GALNT7: variants seen among roughly 807,000 people sequenced by gnomAD.
The protein encoded by GALNT7 is polypeptide N-acetylgalactosaminyltransferase 7.
A neutral mutation model predicts 82.1 loss-of-function variants in GALNT7; 60 were observed. The ratio of observed to expected loss-of-function variants is 0.73; its 90% CI spans 0.59 to 0.91. GALNT7 has a LOEUF of 0.91. GALNT7 is among the 40% of genes least tolerant of loss of function. The pLI is 0.00. For synonymous variants in GALNT7, 243 were observed against 275.1 expected (o/e 0.88, Z 1.15); for missense variants, 660 against 804.2 (o/e 0.82, Z 2.17).
At chr4:173,189,754 A>G (rs772381213) in intron 1 of GALNT7, among the ~76,000 whole-genome samples, 1 of 152,208 alleles carries the variant, frequency 6.6e-6, no homozygotes, top group Non-Finnish European at 1.5e-5. Context: ...TCTATCTTCA[A>G]CATTTTTACT....
chr4:173,174,497 G>A (rs1394283402), intron 1 of GALNT7, among the ~76,000 whole-genome samples: 6 of 152,186 alleles, frequency 3.9e-5, no homozygotes, highest in African/African-American at 1.2e-4. Context: ...TGAACATTTC[G>A]GAAATGTTTG....
chr4:173,183,834 C>T (rs890135922), intron 1 of GALNT7, among the ~76,000 whole-genome samples: 3 of 151,848 alleles, frequency 2.0e-5, no homozygotes, highest in African/African-American at 7.3e-5. Context: ...TGTCCCCCAC[C>T]TCCCAGACGG....
chr4:173,245,271 A>T (rs1230886700), intron 1 of GALNT7, among the ~76,000 whole-genome samples: 3 of 151,918 alleles, frequency 2.0e-5, no homozygotes, highest in African/African-American at 7.2e-5. Context: ...TTTTTAATCC[A>T]TTAAAATTTC....
intron 1 of GALNT7, among the ~76,000 whole-genome samples, chr4:173,179,364 C>T (rs755808082): frequency 3.3e-5 from 5 of 152,112 alleles, no homozygotes; most frequent in Non-Finnish European, 5.9e-5. Context: ...AAACATCAGC[C>T]AGGTGTGGTG....
At chr4:173,230,105 A>T (rs1733979798) in intron 1 of GALNT7, among the ~76,000 whole-genome samples, 1 of 152,212 alleles carries the variant, frequency 6.6e-6, no homozygotes, top group Non-Finnish European at 1.5e-5. Context: ...AGAGTATGGC[A>T]AAATAAAACT....
At chr4:173,173,846 G>A (rs1249937236) in intron 1 of GALNT7, among the ~76,000 whole-genome samples, 1 of 152,176 alleles carries the variant, frequency 6.6e-6, no homozygotes, top group African/African-American at 2.4e-5. Context: ...TATGTGATAG[G>A]CAAGCTAACA....
chr4:173,304,429 T>C (rs1342036117), intron 8 of GALNT7, among the ~76,000 whole-genome samples: 1 of 152,096 alleles, frequency 6.6e-6, no homozygotes, highest in Non-Finnish European at 1.5e-5. Context: ...ACCCTATTTT[T>C]TTAATTGACA....
At chr4:173,309,310 G>C (rs1211301324) in intron 8 of GALNT7, among the ~76,000 whole-genome samples, 1 of 152,136 alleles carries the variant, frequency 6.6e-6, no homozygotes, top group African/African-American at 2.4e-5. Flanking sequence ...CCTCAAATGA[G>C]ATATGTCATA....
At chr4:173,170,752 C>T (rs1295447463) in intron 1 of GALNT7, among the ~76,000 whole-genome samples, 3 of 152,206 alleles carry the variant, frequency 2.0e-5, no homozygotes, top group Non-Finnish European at 4.4e-5. Flanking sequence ...GTTTAACCCC[C>T]TATTTTCTGG....
At chr4:173,192,270 C>A (rs149633264) in intron 1 of GALNT7, among the ~76,000 whole-genome samples, 31 of 152,188 alleles carry the variant, frequency 2.0e-4, no homozygotes, top group African/African-American at 7.2e-4. Flanking sequence ...TTCAAGGGGT[C>A]CTCCTTGTTT....
intron 2 of GALNT7, among the ~76,000 whole-genome samples, chr4:173,272,014 A>G (rs1450676151): frequency 6.6e-6 from 1 of 152,148 alleles, no homozygotes; most frequent in African/African-American, 2.4e-5. Context: ...GAACCCGCTT[A>G]TGGCTCAGTC....
chr4:173,233,455 C>T (rs1021586957), intron 1 of GALNT7, among the ~76,000 whole-genome samples: 6 of 151,974 alleles, frequency 3.9e-5, no homozygotes, highest in Admixed American at 1.3e-4. Flanking sequence ...TACTTCATTG[C>T]GGTTTTGATT....
chr4:173,215,899 A>G (rs1171247635), intron 1 of GALNT7, among the ~76,000 whole-genome samples: 1 of 152,150 alleles, frequency 6.6e-6, no homozygotes, highest in Admixed American at 6.5e-5. Flanking sequence ...GCTTGAGCCC[A>G]GGAGTTCGAG....
intron 2 of GALNT7, among the ~76,000 whole-genome samples, chr4:173,265,104 G>A (rs1233410333): frequency 6.6e-6 from 1 of 152,242 alleles, no homozygotes; most frequent in East Asian, 1.9e-4. Flanking sequence ...ATCAGACGCA[G>A]CCAGGATACC....
chr4:173,249,475 G>A (rs1402741193), intron 2 of GALNT7, among the ~76,000 whole-genome samples: 1 of 152,156 alleles, frequency 6.6e-6, no homozygotes, highest in Non-Finnish European at 1.5e-5. Flanking sequence ...AAAGAAGGTA[G>A]GAGTGGAAGT....
chr4:173,270,441 C>T (rs1465016322), intron 2 of GALNT7, among the ~76,000 whole-genome samples: 2 of 152,102 alleles, frequency 1.3e-5, no homozygotes, highest in Admixed American at 1.3e-4. Flanking sequence ...CATTCCAATA[C>T]CTTAGGTAAT....
intron 1 of GALNT7, among the ~76,000 whole-genome samples, chr4:173,209,465 A>G (rs1312034392): frequency 6.6e-6 from 1 of 152,246 alleles, no homozygotes; most frequent in African/African-American, 2.4e-5. Context: ...GTACATGCCA[A>G]TAATTCTAGT....
intron 2 of GALNT7, among the ~76,000 whole-genome samples, chr4:173,262,715 A>G (rs1319574502): frequency 6.6e-6 from 1 of 152,118 alleles, no homozygotes; most frequent in African/African-American, 2.4e-5. Context: ...AATCATAAAA[A>G]CTTATTCAGC....
chr4:173,299,938 G>A (rs1736859043), intron 6 of GALNT7, among the ~76,000 whole-genome samples: 1 of 151,956 alleles, frequency 6.6e-6, no homozygotes, highest in South Asian at 2.1e-4. Flanking sequence ...AAATGTAATA[G>A]TGTTGTTACT....
Sources: allele counts gnomAD v4.1 joint callset (sites outside exome capture counted in the v4.1 genomes callset), GRCh38; gene constraint gnomAD v4.1.1; transcripts MANE v1.5; gene names NCBI Gene and HGNC (gene_info 2026-07-23, HGNC 2026-07-21).